CORO2B: variants seen among roughly 807,000 people sequenced by gnomAD.
The protein encoded by CORO2B is coronin 2B, also known as coronin-2B.
In CORO2B, 26 loss-of-function variants were observed where a neutral mutation model predicts 58.8. That is an observed-to-expected ratio of 0.44 (90% CI 0.32 to 0.61). The LOEUF is 0.61. Ranked by LOEUF, CORO2B falls within the 20% of genes least tolerant of loss-of-function variation. The pLI, the probability that CORO2B is intolerant of heterozygous loss-of-function variation, is 0.04. For synonymous variants in CORO2B, 242 were observed against 253.8 expected (o/e 0.95, Z 0.44); for missense variants, 460 against 645.1 (o/e 0.71, Z 3.11).
the CORO2B span, among the ~76,000 whole-genome samples, chr15:68,521,579 G>C: frequency 6.6e-6 from 1 of 151,884 alleles, no homozygotes; most frequent in Non-Finnish European, 1.5e-5. Context: ...TGCCTGTCTA[G>C]AAATAACTTT....
chr15:68,672,964 G>C (rs1441351176), intron 2 of CORO2B, among the ~76,000 whole-genome samples: 2 of 152,178 alleles, frequency 1.3e-5, no homozygotes, highest in African/African-American at 4.8e-5. Context: ...GTGGGGTATG[G>C]GTTGAAGATG....
chr15:68,613,671 C>G (rs1430568552), intron 1 of CORO2B, among the ~76,000 whole-genome samples: 1 of 152,182 alleles, frequency 6.6e-6, no homozygotes, highest in Non-Finnish European at 1.5e-5. Flanking sequence ...GGTTATCAAA[C>G]CATTGCATTT....
rs10566834 is a variant in CORO2B, at chr15:68,704,039, TACACACACACACACACAC to T, written c.334-6669_334-6652del. On this transcript the variant is annotated intron_variant, in intron 3 of 11. Coordinates refer to ENST00000261861, the MANE Select transcript of CORO2B (RefSeq NM_006091.5). ...CAAAAACCCTTTCTCTACACACACA[TACACACACACACACACAC>T]ACACACACACACACACACACACAAA... Among the ~76,000 whole-genome samples the T allele has an allele frequency of 1.2e-4, 16 of 128,154 alleles. 1 individual carries two copies. The highest frequency in any genetic ancestry group is 4.5e-4 in the African/African-American group (16 of 35,670). 84.1% of individuals were successfully genotyped at this position (128,154 alleles called of 152,430 possible). A position where few individuals can be genotyped will look rare whatever the true frequency, so the allele number is the denominator to read the frequency against.
In CORO2B at chr15:68,715,115, A is replaced by T. The variant is rs898079400; in HGVS notation, c.871-100A>T. ...TCCTTGGTTTTTTTAACTGCCCATGAGGCACAGGGGAGAGCTGTCTTCAGC... is the reference window on the plus strand; with the variant it reads ...TCCTTGGTTTTTTTAACTGCCCATGTGGCACAGGGGAGAGCTGTCTTCAGC... On this transcript the variant is annotated intron_variant, in intron 7 of 11. Transcript: ENST00000261861. 7.6e-6 allele frequency: 8 copies of T among 1,046,394 alleles called. No homozygotes were observed. In the African/African-American group the frequency reaches 1.3e-4, roughly 17 times the overall value. 64.8% of individuals were successfully genotyped at this position (1,046,394 alleles called of 1,614,324 possible). A position where few individuals can be genotyped will look rare whatever the true frequency, so the allele number is the denominator to read the frequency against.
intron 1 of CORO2B, among the ~76,000 whole-genome samples, chr15:68,605,711 G>GTTTTTTTTTTTTT (rs35340917): frequency 1.0e-5 from 1 of 99,094 alleles, no homozygotes; most frequent in African/African-American, 4.7e-5. Flanking sequence ...GGGCTCTTGG[G>GTTTTTTTTTTTTT]TTTTTTTTTT....
At chr15:68,685,700 T>G (rs561785479) in intron 2 of CORO2B, among the ~76,000 whole-genome samples, 1 of 152,204 alleles carries the variant, frequency 6.6e-6, no homozygotes, top group Non-Finnish European at 1.5e-5. Context: ...GGGAAACCCA[T>G]TAAAAATACC....
chr15:68,725,752 G>A (rs991183896), intron 11 of CORO2B, 91 bp from the exon 12 acceptor site: 20 of 1,541,490 alleles, frequency 1.3e-5, no homozygotes, highest in African/African-American at 2.7e-5. Context: ...GAGGGCACGG[G>A]CGGCAGGCAG....
rs1323908525 is a variant in CORO2B, at chr15:68,695,400, G to T, written c.333+144G>T. The T allele has an allele frequency of 2.8e-5, 18 of 648,912 alleles. No individual in the cohort carries two copies. The South Asian group carries it at 2.9e-4, about 10-fold the overall frequency. The allele number at this position is 648,912 out of a possible 1,614,324, so 40.2% of individuals were successfully genotyped here. A position where few individuals can be genotyped will look rare whatever the true frequency, so the allele number is the denominator to read the frequency against. On this transcript the variant is annotated intron_variant, in intron 3 of 11. Transcript: ENST00000261861. Reference sequence around the variant, plus strand: ...ATCTTTCCAGCAAGCCCCACGATGTGGGGGGGATGGGAGCTAGGAAAGAAC... The same window carrying T: ...ATCTTTCCAGCAAGCCCCACGATGTTGGGGGGATGGGAGCTAGGAAAGAAC...
chr15:68,608,397 C>T (rs541500674), intron 1 of CORO2B, among the ~76,000 whole-genome samples: 4 of 152,324 alleles, frequency 2.6e-5, no homozygotes, highest in East Asian at 3.9e-4. Flanking sequence ...TGGAGGACTT[C>T]GGCCTGAAGG....
At chr15:68,605,552 C>T (rs34829475) in intron 1 of CORO2B, among the ~76,000 whole-genome samples, 33,621 of 151,998 alleles carry the variant, frequency 0.22, 4,387 homozygotes, top group Non-Finnish European at 0.31. Context: ...GGAAAATATT[C>T]GTGCTAAGTG....
At chr15:68,589,244 C>T (rs990075058) in intron 1 of CORO2B, among the ~76,000 whole-genome samples, 3 of 152,204 alleles carry the variant, frequency 2.0e-5, no homozygotes, top group Non-Finnish European at 2.9e-5. Flanking sequence ...TGCTGATTAT[C>T]TTATGAGCAT....
intron 1 of CORO2B, among the ~76,000 whole-genome samples, chr15:68,606,028 CTTGGG>C (rs1020140896): frequency 4.6e-5 from 7 of 151,678 alleles, no homozygotes. Context: ...CCGGCCGGCT[CTTGGG>C]TTTTGAGGGT....
chr15:68,713,890 G>A (rs1254032184), intron 5 of CORO2B, 35 bp from the exon 6 acceptor site: 1 of 1,488,556 alleles, frequency 6.7e-7, no homozygotes. Context: ...ACATGTTGGG[G>A]ACCCTGGCTC....
the CORO2B span, among the ~76,000 whole-genome samples, chr15:68,521,109 T>C: frequency 3.9e-5 from 6 of 152,130 alleles, no homozygotes; most frequent in East Asian, 1.2e-3. Flanking sequence ...TTAATTGGAG[T>C]ATTTAGTTCT....
chr15:68,551,392 C>A, the CORO2B span, among the ~76,000 whole-genome samples: 23,625 of 152,110 alleles, frequency 0.16, 2,128 homozygotes, highest in Middle Eastern at 0.24. Context: ...GCTCATCTCA[C>A]CTTTGAGAGC....
At chr15:68,520,304 C>T in the CORO2B span, among the ~76,000 whole-genome samples, 2 of 152,190 alleles carry the variant, frequency 1.3e-5, no homozygotes, top group South Asian at 4.1e-4. Context: ...TTACATTGTT[C>T]AGATCTATAT....
chr15:68,673,000 A>AT lies in CORO2B; in HGVS notation c.217-22140_217-22139insT, dbSNP rs1902454621. ...AGATCAGGTGCAGGTGGATGTGAGG[A>AT]CATAGCAGGCAGGAGAACCCACACC... On this transcript the variant is annotated intron_variant, in intron 2 of 11. Coordinates refer to ENST00000261861, the MANE Select transcript of CORO2B (RefSeq NM_006091.5). 5.9e-5 allele frequency among the ~76,000 whole-genome samples: 9 copies of AT among 152,274 alleles called. No individual in the cohort carries two copies. The South Asian group carries it at 1.9e-3, about 32-fold the overall frequency.
intron 1 of CORO2B, among the ~76,000 whole-genome samples, chr15:68,604,355 C>T (rs1900055481): frequency 6.6e-6 from 1 of 152,076 alleles, no homozygotes; most frequent in African/African-American, 2.4e-5. Flanking sequence ...CTACCACGAG[C>T]AGAACAAGTG....
chr15:68,535,761 C>T, the CORO2B span, among the ~76,000 whole-genome samples: 1 of 152,110 alleles, frequency 6.6e-6, no homozygotes, highest in East Asian at 1.9e-4. Context: ...CATCTACAAG[C>T]AGTATGTAGG....
Sources: gnomAD v4.1 joint callset for allele counts (sites outside exome capture counted in the v4.1 genomes callset) on GRCh38, gnomAD v4.1.1 for gene constraint, MANE v1.5 for transcripts, NCBI Gene and HGNC (gene_info 2026-07-23, HGNC 2026-07-21) for gene names.